Variants in CALD1 observed in about 807,000 individuals in gnomAD.
CALD1 encodes the protein caldesmon 1, also known as caldesmon.
In CALD1, 33 loss-of-function variants were observed where a neutral mutation model predicts 99.9. The ratio of observed to expected loss-of-function variants is 0.33; its 90% confidence interval spans 0.25 to 0.44. The LOEUF is 0.44. Among genes scored for constraint, CALD1 ranks in the 20% least tolerant of loss-of-function variants. CALD1 has a pLI of 1.00. For synonymous variants in CALD1, 310 were observed against 325.0 expected (o/e 0.95, Z 0.50); for missense variants, 861 against 962.1 (o/e 0.89, Z 1.39).
intron 1 of CALD1, among the ~76,000 whole-genome samples, chr7:134,796,943 C>A (rs1465789401): frequency 1.3e-5 from 2 of 152,072 alleles, no homozygotes; most frequent in Non-Finnish European, 2.9e-5. Context: ...ACTCTGAAAC[C>A]CTACAGTGCT....
intron 7 of CALD1, among the ~76,000 whole-genome samples, chr7:134,942,302 A>G (rs1806511476): frequency 6.6e-6 from 1 of 152,232 alleles, no homozygotes; most frequent in Admixed American, 6.5e-5. Flanking sequence ...TGTAATATTC[A>G]AAAGCAGGCG....
intron 2 of CALD1, among the ~76,000 whole-genome samples, chr7:134,849,536 T>C (rs1022932333): frequency 1.3e-5 from 2 of 152,226 alleles, no homozygotes; most frequent in African/African-American, 4.8e-5. Context: ...ATGTAAATGC[T>C]ATGTAAATCA....
intron 2 of CALD1, among the ~76,000 whole-genome samples, chr7:134,857,094 G>A (rs970232069): frequency 3.3e-5 from 5 of 151,378 alleles, no homozygotes; most frequent in Non-Finnish European, 7.4e-5. Context: ...AATACAACAT[G>A]GGTATCAGTA....
chr7:134,764,599 G>A (rs1254331692), intron 1 of CALD1, among the ~76,000 whole-genome samples: 1 of 152,134 alleles, frequency 6.6e-6, no homozygotes, highest in Non-Finnish European at 1.5e-5. Flanking sequence ...AATCTAGTTA[G>A]GGAAACAGGA....
chr7:134,747,083 AG>A (rs1219768704), intron 1 of CALD1, among the ~76,000 whole-genome samples: 2 of 152,330 alleles, frequency 1.3e-5, no homozygotes, highest in Non-Finnish European at 1.5e-5. Flanking sequence ...GAAGAGAACA[AG>A]GGTGTGGCCA....
chr7:134,821,540 T>C (rs1408255334), intron 1 of CALD1, among the ~76,000 whole-genome samples: 1 of 152,016 alleles, frequency 6.6e-6, no homozygotes, highest in Non-Finnish European at 1.5e-5. Context: ...TTTTTAATGT[T>C]CTTTATACTT....
At chr7:134,760,861 T>C (rs1170354636) in intron 1 of CALD1, among the ~76,000 whole-genome samples, 2 of 152,196 alleles carry the variant, frequency 1.3e-5, no homozygotes, top group Non-Finnish European at 2.9e-5. Context: ...CTTTTTTAAC[T>C]TTTGTTTTAG....
At chr7:134,941,373 C>T in intron 7 of CALD1, 136 bp downstream of exon 7, 1 of 674,826 alleles carries the variant, frequency 1.5e-6, no homozygotes, top group Non-Finnish European at 2.5e-6. Flanking sequence ...AGGTCATTAG[C>T]CATTGTCTTA....
the CALD1 span, among the ~76,000 whole-genome samples, chr7:134,724,227 G>A: frequency 6.6e-6 from 1 of 152,228 alleles, no homozygotes; most frequent in African/African-American, 2.4e-5. Context: ...GGAGGTGAGA[G>A]TGAATACACT....
At chr7:134,847,987 T>C (rs1229360014) in intron 2 of CALD1, among the ~76,000 whole-genome samples, 1 of 152,174 alleles carries the variant, frequency 6.6e-6, no homozygotes, top group Non-Finnish European at 1.5e-5. Context: ...ACAGACTCAA[T>C]TGCTTCTGAA....
At chr7:134,940,205 G>T (rs1806318230) in intron 6 of CALD1, among the ~76,000 whole-genome samples, 1 of 152,198 alleles carries the variant, frequency 6.6e-6, no homozygotes, top group Admixed American at 6.5e-5. Flanking sequence ...GAATGGATGA[G>T]ATGATATAAG....
intron 3 of CALD1, among the ~76,000 whole-genome samples, chr7:134,885,520 G>A (rs998885166): frequency 3.3e-5 from 5 of 152,180 alleles, no homozygotes; most frequent in African/African-American, 1.2e-4. Context: ...AAAGCCATGT[G>A]TAAATTTAAT....
chr7:134,723,418 TATC>T, the CALD1 span, among the ~76,000 whole-genome samples: 3 of 152,064 alleles, frequency 2.0e-5, no homozygotes, highest in Middle Eastern at 3.2e-3. Flanking sequence ...TAGTGCTCAA[TATC>T]ATGCTATATA....
In CALD1 at chr7:134,920,423, T is replaced by G. The variant is rs1804526604; in HGVS notation, c.72-8331T>G. The G allele has an allele frequency of 8.7e-6, 7 of 804,082 alleles. No homozygotes were observed. In the South Asian group the frequency reaches 2.5e-4, roughly 28 times the overall value. The allele number at this position is 804,082 out of a possible 1,614,324, so 49.8% of individuals were successfully genotyped here. A position where few individuals can be genotyped will look rare whatever the true frequency, so the allele number is the denominator to read the frequency against. On this transcript the variant is annotated intron_variant, in intron 3 of 14. Transcript: ENST00000361675. Reference sequence around the variant, plus strand: ...TAAGACCCAGGTTCAGACAATGCCATTAGCAGAACCAATAATGATGGGAAT... The same window carrying G: ...TAAGACCCAGGTTCAGACAATGCCAGTAGCAGAACCAATAATGATGGGAAT...
At position 134,968,595 on chromosome 7, in the gene CALD1, T is replaced by C. The variant is rs1269762347; in HGVS notation, c.*250T>C. The C allele has an allele frequency of 2.9e-6, 2 of 683,956 alleles. No homozygotes were observed. The highest frequency in any genetic ancestry group is 5.4e-6 in the Non-Finnish European group (2 of 372,862). The allele number at this position is 683,956 out of a possible 1,614,324, so 42.4% of individuals were successfully genotyped here. ...AAACCCATGCTGTGAAATAGAGACT[T>C]TTCTACTGATCATCATAACTCTGTA... On this transcript the variant is annotated 3_prime_UTR_variant, in exon 15 of 15. Coordinates refer to ENST00000361675, the MANE Select transcript of CALD1 (RefSeq NM_033138.4).
rs149407977 is a variant in CALD1 at position 134,944,208 on chromosome 7, A to G, written c.1532+2971A>G. On this transcript the variant is annotated intron_variant, in intron 7 of 14. Transcript: ENST00000361675. Reference sequence around the variant, plus strand: ...GACCCTTTAACCTTGTTTGAGTTCAAAATAAAAGTTTACCTGTAACTGGCA... The same window carrying G: ...GACCCTTTAACCTTGTTTGAGTTCAGAATAAAAGTTTACCTGTAACTGGCA... 1.4e-3 allele frequency among the ~76,000 whole-genome samples: 212 copies of G among 152,298 alleles called. 1 individual carries two copies. Among genetic ancestry groups the G allele is most frequent in the African/African-American group, 4.9e-3 (202 of 41,560 alleles).
chr7:134,932,851 A>G, intron 4 of CALD1, 137 bp from the exon 5 acceptor site: 4 of 576,964 alleles, frequency 6.9e-6, no homozygotes, highest in Non-Finnish European at 1.2e-5. Flanking sequence ...CGTGTACTAA[A>G]ATGGTAACGT....
intron 1 of CALD1, among the ~76,000 whole-genome samples, chr7:134,843,040 A>G (rs1022012344): frequency 2.0e-5 from 3 of 152,188 alleles, no homozygotes; most frequent in African/African-American, 7.2e-5. Context: ...ACTGGCTGCA[A>G]TGGGGACTCG....
upstream of CALD1, among the ~76,000 whole-genome samples, chr7:134,778,660 C>T (rs1337846274): frequency 6.6e-6 from 1 of 152,176 alleles, no homozygotes; most frequent in Non-Finnish European, 1.5e-5. Context: ...CCTCTTATAG[C>T]ACACATCCTA....
Sources: allele counts gnomAD v4.1 joint callset (sites outside exome capture counted in the v4.1 genomes callset), GRCh38; gene constraint gnomAD v4.1.1; transcripts MANE v1.5; gene names NCBI Gene and HGNC (gene_info 2026-07-23, HGNC 2026-07-21).